CFAP410: variants seen among roughly 807,000 people sequenced by gnomAD.
CFAP410 encodes cilia and flagella associated protein 410.
Under a neutral mutation model 25.7 loss-of-function variants are expected in CFAP410, and 27 were observed. The ratio of observed to expected loss-of-function variants is 1.05; its 90% CI spans 0.77 to 1.45. The LOEUF is 1.45. CFAP410 is among the 40% of genes most tolerant of loss of function. CFAP410 has a pLI of 0.00. For missense variants in CFAP410, 428 were observed against 354.1 expected (o/e 1.21, Z -1.67); for synonymous variants, 178 against 158.4 (o/e 1.12, Z -0.93).
chr21:44,334,620 C>G (rs1158304104), intron 3 of CFAP410: 1 of 291,006 alleles, frequency 3.4e-6, no homozygotes, highest in Non-Finnish European at 6.7e-6. Flanking sequence ...GGGGTGGGCA[C>G]TTGTAATACC....
At chr21:44,338,278 G>A (rs1286709243) in intron 1 of CFAP410, 4 of 1,286,098 alleles carry the variant, frequency 3.1e-6, no homozygotes, top group African/African-American at 3.0e-5. Flanking sequence ...GTCTGCTCTC[G>A]CTGACCCCCA....
intron 4 of CFAP410, chr21:44,332,356 C>T (rs749806281): frequency 3.3e-5 from 8 of 243,908 alleles, no homozygotes; most frequent in Non-Finnish European, 4.7e-5. Flanking sequence ...ATATCAATTT[C>T]CCTGAAGTTT....
chr21:44,335,541 G>A lies in CFAP410; in HGVS notation c.143+217C>T, dbSNP rs1243659724. 21 of 594,320 alleles carry A rather than the reference G, an allele frequency of 3.5e-5. No homozygotes were observed. The South Asian group carries it at 3.6e-4, about 10-fold the overall frequency. 36.8% of individuals were successfully genotyped at this position (594,320 alleles called of 1,614,324 possible). A position where few individuals can be genotyped will look rare whatever the true frequency, so the allele number is the denominator to read the frequency against. On this transcript the variant is annotated intron_variant, in intron 3 of 6. Coordinates refer to ENST00000339818, the MANE Select transcript of CFAP410 (RefSeq NM_004928.3). ...GCAGGCAGGGGACAGGAGCCATCAG[G>A]AGGCCCAGGTGAGGCTCTGAGGAAG...
chr21:44,330,148 G>GA lies in CFAP410; in HGVS notation c.*49dup, dbSNP rs777514004. 1.3e-6 allele frequency: 2 copies of GA among 1,532,764 alleles called. No homozygotes were observed. Among genetic ancestry groups the GA allele is most frequent in the African/African-American group, 2.7e-5 (2 of 73,098 alleles). 94.9% of individuals were successfully genotyped at this position (1,532,764 alleles called of 1,614,324 possible). On this transcript the variant is annotated 3_prime_UTR_variant, in exon 7 of 7. Transcript: ENST00000339818. ...CACCCTCCAGCTCCCGGGGGCTGGG[G>GA]AAGACGCTGGGGTCCCCGTGGAGGC...
chr21:44,333,224 C>A lies in CFAP410; in HGVS notation c.182G>T (p.Cys61Phe). The change falls in exon 4 of 7, where the codon TGC (cysteine) becomes TTC (phenylalanine). Residue 61 changes from cysteine (C) to phenylalanine (F), a missense_variant. Coordinates refer to ENST00000339818, the MANE Select transcript of CFAP410 (RefSeq NM_004928.3). Reference sequence around the variant, plus strand: ...CAGGTACAGCTCACTCAGGCGCTGGCACCGGCTCACAGGCTCCAGGGTGGA... The same window carrying A: ...CAGGTACAGCTCACTCAGGCGCTGGAACCGGCTCACAGGCTCCAGGGTGGA... The part of the protein sequence containing the change: ...SISTLEPVSR[C>F]QRLSELYLRR... 1 of 1,612,774 alleles carries A rather than the reference C, an allele frequency of 6.2e-7. No homozygotes were observed. The highest frequency in any genetic ancestry group is 8.5e-7 in the Non-Finnish European group (1 of 1,179,848).
At chr21:44,338,056 C>T (rs2047787337) in intron 1 of CFAP410, among the ~76,000 whole-genome samples, 1 of 152,178 alleles carries the variant, frequency 6.6e-6, no homozygotes, top group South Asian at 2.1e-4. Flanking sequence ...ACTTATGAAG[C>T]AAACTTTAAA....
intron 5 of CFAP410, chr21:44,331,387 C>T: frequency 4.1e-6 from 1 of 246,466 alleles, no homozygotes; most frequent in Non-Finnish European, 7.8e-6. Flanking sequence ...GACCCGCTGC[C>T]AACTGCCCTG....
At position 44,338,221 on chromosome 21, in the gene CFAP410, G is replaced by C. The variant is rs529208649; in HGVS notation, c.78-554C>G. 6 of 1,199,552 alleles carry C rather than the reference G, an allele frequency of 5.0e-6. No individual in the cohort carries two copies. In the South Asian group the frequency reaches 5.4e-5, roughly 11 times the overall value. 74.3% of individuals were successfully genotyped at this position (1,199,552 alleles called of 1,614,324 possible). Reference sequence around the variant, plus strand: ...AGAGAGAAAAGCTTTTTAATTAACAGGGAAGAGCTCACTCTGGGCAGTCTG... The same window carrying C: ...AGAGAGAAAAGCTTTTTAATTAACACGGAAGAGCTCACTCTGGGCAGTCTG... On this transcript the variant is annotated intron_variant, in intron 1 of 6. Coordinates refer to ENST00000339818, the MANE Select transcript of CFAP410 (RefSeq NM_004928.3).
chr21:44,339,272 TC>T lies in CFAP410; in HGVS notation c.-79del. On this transcript the variant is annotated 5_prime_UTR_variant, in exon 1 of 7. Coordinates refer to ENST00000339818, the MANE Select transcript of CFAP410 (RefSeq NM_004928.3). The stretch of plus-strand genomic sequence containing the variant: ...GGGTGACGACTGCGCGGCGCGTGTC[TC>T]CAGGGGCGGGGCCCGCGTCGTCAGG... 1.1e-6 allele frequency: 1 copy of T among 934,870 alleles called. No individual in the cohort carries two copies. The highest frequency in any genetic ancestry group is 1.5e-6 in the Non-Finnish European group (1 of 673,566). The allele number at this position is 934,870 out of a possible 1,614,324, so 57.9% of individuals were successfully genotyped here. A position where few individuals can be genotyped will look rare whatever the true frequency, so the allele number is the denominator to read the frequency against.
intron 5 of CFAP410, chr21:44,331,488 A>C: frequency 3.1e-6 from 1 of 318,564 alleles, no homozygotes; most frequent in Admixed American, 5.0e-5. Flanking sequence ...GGCCGTGCCC[A>C]CAAACCATTC....
intron 5 of CFAP410, 156 bp downstream of exon 5, chr21:44,331,686 TC>T (rs1390558223): frequency 2.9e-6 from 2 of 690,696 alleles, no homozygotes; most frequent in Non-Finnish European, 4.6e-6. Flanking sequence ...ACTGAGTCAC[TC>T]CCAGAGAATA....
intron 3 of CFAP410, chr21:44,334,525 C>CAACCTCTGGGCGGGCACGCGCACCCCCA: frequency 5.8e-5 from 1 of 17,324 alleles, no homozygotes; most frequent in South Asian, 6.5e-4. Flanking sequence ...GCACCCCCCC[C>CAACCTCTGGGCGGGCACGCGCACCCCCA]CCCCCCCCGC....
At chr21:44,337,723 G>C in intron 1 of CFAP410, 56 bp from the exon 2 acceptor site, 1 of 1,512,616 alleles carries the variant, frequency 6.6e-7, no homozygotes, top group African/African-American at 1.4e-5. Context: ...AAAAAACACT[G>C]AAGACAAAAA....
intron 1 of CFAP410, 40 bp from the exon 2 acceptor site, chr21:44,337,707 T>C (rs2047782014): frequency 2.5e-6 from 4 of 1,589,158 alleles, no homozygotes; most frequent in South Asian, 1.1e-5. Context: ...TTTGTTAAAG[T>C]TGAATAAAAA....
intron 3 of CFAP410, 25 bp from the exon 4 acceptor site, chr21:44,333,287 C>T (rs368928576): frequency 5.6e-5 from 89 of 1,580,994 alleles, no homozygotes; most frequent in Admixed American, 2.8e-4. Flanking sequence ...GCACAGTCAG[C>T]GAGGGACGTG....
chr21:44,339,151 G>C lies in CFAP410; in HGVS notation c.44C>G (p.Ser15Trp). The change falls in exon 1 of 7, where the codon TCG (serine) becomes TGG (tryptophan). Residue 15 changes from serine to tryptophan, a missense_variant. Physicochemically the swap from Ser to Trp is radical, Grantham distance 177. Transcript: ENST00000339818. Reference protein sequence around the residue: ...RKMVLTRAKASELHSVRKLNC... With the variant: ...RKMVLTRAKAWELHSVRKLNC... ...GAGCTTGCGCACGCTGTGCAGCTCC[G>C]AGGCCTTGGCCCGGGTCAGAACCAT... The C allele has an allele frequency of 6.8e-7, 1 of 1,472,352 alleles. No individual in the cohort carries two copies. The highest frequency in any genetic ancestry group is 9.0e-7 in the Non-Finnish European group (1 of 1,108,336). The allele number at this position is 1,472,352 out of a possible 1,614,324, so 91.2% of individuals were successfully genotyped here.
Position 44,334,879 on chromosome 21 carries a change from A to C in CFAP410, c.143+879T>G, listed in dbSNP as rs1450763477. The C allele has an allele frequency of 3.1e-5, 5 of 160,830 alleles. No individual in the cohort carries two copies. The South Asian group carries it at 8.8e-4, about 28-fold the overall frequency. The allele number at this position is 160,830 out of a possible 1,614,324, so 10.0% of individuals were successfully genotyped here. Reference sequence around the variant, plus strand: ...GCATCAACATGGCAATGCCAACCTCAGAGGGCATTACGGAGGATGGGCAGG... The same window carrying C: ...GCATCAACATGGCAATGCCAACCTCCGAGGGCATTACGGAGGATGGGCAGG... On this transcript the variant is annotated intron_variant, in intron 3 of 6. Coordinates refer to ENST00000339818, the MANE Select transcript of CFAP410 (RefSeq NM_004928.3).
intron 6 of CFAP410, chr21:44,330,560 C>T: frequency 1.3e-6 from 2 of 1,549,386 alleles, no homozygotes; most frequent in Non-Finnish European, 1.7e-6. Context: ...CCAGCAGGGC[C>T]CGGGCCCACA....
At position 44,329,941 on chromosome 21, in the gene CFAP410, T is replaced by G; in HGVS notation, c.*257A>C. The G allele has an allele frequency of 2.2e-6, 1 of 461,576 alleles. No homozygotes were observed. Among genetic ancestry groups the G allele is most frequent in the Non-Finnish European group, 3.8e-6 (1 of 261,106 alleles). The allele number at this position is 461,576 out of a possible 1,614,324, so 28.6% of individuals were successfully genotyped here. A position where few individuals can be genotyped will look rare whatever the true frequency, so the allele number is the denominator to read the frequency against. ...GAGGACAGCCTGCAAAATCCTCCCT[T>G]TAAGAGCCCAGGCCAGCCTAGAACC... On this transcript the variant is annotated 3_prime_UTR_variant, in exon 7 of 7. Coordinates refer to ENST00000339818, the MANE Select transcript of CFAP410 (RefSeq NM_004928.3).
Sources: allele counts gnomAD v4.1 joint callset (sites outside exome capture counted in the v4.1 genomes callset), GRCh38; gene constraint gnomAD v4.1.1; transcripts MANE v1.5; gene names NCBI Gene and HGNC (gene_info 2026-07-23, HGNC 2026-07-21).